NEB: variants seen among roughly 807,000 people sequenced by gnomAD.
NEB encodes the protein nebulin.
NEB carries 512 observed loss-of-function variants against 952.2 expected under a neutral mutation model. The ratio of observed to expected loss-of-function variants is 0.54; its 90% CI spans 0.50 to 0.58. NEB has a LOEUF of 0.58. NEB is among the 20% of genes least tolerant of loss of function. The pLI is 0.00. For missense variants in NEB, 8,428 were observed against 9,231.1 expected (o/e 0.91, Z 3.56); for synonymous variants, 2,900 against 3,149.8 (o/e 0.92, Z 2.66).
At chr2:151,499,156 C>T (rs889702425) in intron 169 of NEB, 142 bp downstream of exon 169, 4 of 495,146 alleles carry the variant, frequency 8.1e-6, no homozygotes, top group Non-Finnish European at 1.4e-5. Context: ...AAAACTGATT[C>T]ATAGGAAATG....
chr2:151,513,916 G>A (rs1411780275), intron 159 of NEB, among the ~76,000 whole-genome samples: 1 of 152,120 alleles, frequency 6.6e-6, no homozygotes, highest in Non-Finnish European at 1.5e-5. Flanking sequence ...GTCAACAGAG[G>A]TCTCCTTTTG....
chr2:151,509,184 A>T (rs2071883558), intron 161 of NEB, among the ~76,000 whole-genome samples: 1 of 152,212 alleles, frequency 6.6e-6, no homozygotes, highest in Non-Finnish European at 1.5e-5. Context: ...TCAGCCAATG[A>T]GAGATGTAGG....
chr2:151,530,914 G>T, intron 145 of NEB, 80 bp downstream of exon 145: 1 of 883,738 alleles, frequency 1.1e-6, no homozygotes, highest in Non-Finnish European at 1.8e-6. Context: ...CACAGGAATA[G>T]ATAACTGGAC....
intron 48 of NEB, among the ~76,000 whole-genome samples, chr2:151,656,817 C>T (rs541402862): frequency 6.7e-6 from 1 of 150,324 alleles, no homozygotes; most frequent in Admixed American, 6.6e-5. Flanking sequence ...GCTAAAGAGG[C>T]CTTTAGTAGG....
At chr2:151,658,590 T>C (rs1351088263) in intron 47 of NEB, among the ~76,000 whole-genome samples, 1 of 152,114 alleles carries the variant, frequency 6.6e-6, no homozygotes, top group Non-Finnish European at 1.5e-5. Flanking sequence ...ATGATTAGGA[T>C]GAAAAAGGAA....
Position 151,493,812 on chromosome 2 carries a change from A to G in NEB, c.24635T>C (p.Met8212Thr). 1.3e-6 allele frequency: 2 copies of G among 1,587,732 alleles called. No homozygotes were observed. Among genetic ancestry groups the G allele is most frequent in the East Asian group, 2.3e-5 (1 of 44,304 alleles). Residue 8212 changes from methionine (M) to threonine (T), a missense_variant, in exon 175 of 182, where the codon ATG (methionine) becomes ACG (threonine). This residue lies in a region of NEB where 3,374 missense variants were observed against 3,651.5 expected (regional missense o/e 0.92). Coordinates refer to ENST00000397345, the MANE Select transcript of NEB (RefSeq NM_001164508.2). Reference protein sequence around the residue: ...KATPTPFTPEMERVKRNQENF... With the variant: ...KATPTPFTPETERVKRNQENF... ...TTCTTGATTGCGTTTCACTCTTTCC[A>G]TCTCAGGAGTAAAGGGTGTGGGGGT...
intron 120 of NEB, 79 bp from the exon 121 acceptor site, chr2:151,562,293 G>T: frequency 1.6e-6 from 2 of 1,238,152 alleles, no homozygotes; most frequent in Non-Finnish European, 2.4e-6. Context: ...CCTATCAGCT[G>T]TTGGCTGTGC....
chr2:151,499,171 C>T (rs2062557322), intron 169 of NEB, 127 bp downstream of exon 169: 2 of 518,864 alleles, frequency 3.9e-6, no homozygotes, highest in East Asian at 6.6e-5. Flanking sequence ...GAAATGGCAG[C>T]ATTAAGTTGG....
At position 151,618,386 on chromosome 2, in the gene NEB, T is replaced by C; in HGVS notation, c.10965A>G (p.Glu3655=). 1.2e-6 allele frequency: 2 copies of C among 1,613,964 alleles called. No individual in the cohort carries two copies. Among genetic ancestry groups the C allele is most frequent in the Non-Finnish European group, 1.7e-6 (2 of 1,179,862 alleles). ...LEVVRAKRAG[E]LLSDTIYRQR... ...GACGGTAGATAGTATCACTAAGTAA[T>C]TCTCCAGCTCTCTTGGCCCTAACAA... Residue 3655 remains glutamate, a synonymous_variant, in exon 74 of 182, where the codon GAA becomes GAG. Coordinates refer to ENST00000397345, the MANE Select transcript of NEB (RefSeq NM_001164508.2).
chr2:151,662,406 G>A (rs2099158940), intron 45 of NEB, 65 bp from the exon 46 acceptor site: 1 of 1,331,920 alleles, frequency 7.5e-7, no homozygotes, highest in Non-Finnish European at 1.0e-6. Context: ...CTAAGTGTGT[G>A]TTTAACATTC....
intron 137 of NEB, 55 bp from the exon 138 acceptor site, chr2:151,540,503 A>G (rs2093897864): frequency 8.8e-6 from 12 of 1,356,672 alleles, no homozygotes; most frequent in East Asian, 2.5e-5. Flanking sequence ...CCAATTTCCA[A>G]CCAAGCCACC....
In NEB at chr2:151,533,468, G is replaced by A; in HGVS notation, c.21391C>T (p.Leu7131Phe). Residue 7131 changes from leucine to phenylalanine, a missense_variant, in exon 143 of 182, where the codon CTC becomes TTC. Coordinates refer to ENST00000397345, the MANE Select transcript of NEB (RefSeq NM_001164508.2). ...TGGCTCCACATATGCGAATTGTAGA[G>A]AGCAGTCAACATATCTGGACGCAGA... Reference protein sequence around the residue: ...EILRPDMLTALYNSHMWSQIK... With the variant: ...EILRPDMLTAFYNSHMWSQIK... 2 of 1,551,332 alleles carry A rather than the reference G, an allele frequency of 1.3e-6. No individual in the cohort carries two copies. Among genetic ancestry groups the A allele is most frequent in the Non-Finnish European group, 1.7e-6 (2 of 1,146,588 alleles).
At chr2:151,575,870 T>A in intron 106 of NEB, 71 bp from the exon 107 acceptor site, 2 of 1,106,412 alleles carry the variant, frequency 1.8e-6, no homozygotes, top group East Asian at 2.4e-5. Flanking sequence ...ATGCAACTTT[T>A]AAATTTTCTT....
intron 179 of NEB, chr2:151,491,343 TC>T (rs1298060631): frequency 9.4e-6 from 2 of 212,470 alleles, no homozygotes; most frequent in African/African-American, 4.6e-5. Context: ...CTCAGGAAGT[TC>T]CTACAGGTCA....
Position 151,547,414 on chromosome 2 carries a change from C to A in NEB, c.20367+15G>T. Reference sequence around the variant, plus strand: ...TGGTAAGACTACTCCAGAAAGACCCCTACGAGATGCTTACATCACTGGTGA... The same window carrying A: ...TGGTAAGACTACTCCAGAAAGACCCATACGAGATGCTTACATCACTGGTGA... On this transcript the variant is annotated intron_variant, in intron 133 of 181. Coordinates refer to ENST00000397345, the MANE Select transcript of NEB (RefSeq NM_001164508.2). The A allele has an allele frequency of 6.4e-7, 1 of 1,567,338 alleles. No homozygotes were observed. The highest frequency in any genetic ancestry group is 2.3e-5 in the East Asian group (1 of 43,376).
rs559268680 is a variant in NEB at position 151,579,352 on chromosome 2, C to T, written c.16690G>A (p.Asp5564Asn). Reference protein sequence around the residue: ...NDVIQARKAYDLQSDALYKAD... With the variant: ...NDVIQARKAYNLQSDALYKAD... ...GACACACTTACGTCGCTCTGTAGGTCGTAGGCTTTCCTGGCTTGGATCACA... is the reference window on the plus strand; with the variant it reads ...GACACACTTACGTCGCTCTGTAGGTTGTAGGCTTTCCTGGCTTGGATCACA... Residue 5564 changes from aspartate (D) to asparagine (N), a missense_variant, in exon 105 of 182, where the codon GAC becomes AAC. Physicochemically the swap from Asp to Asn is conservative, Grantham distance 23 (BLOSUM62 1). This residue lies in a region of NEB where 19 missense variants were observed against 49.3 expected (regional missense o/e 0.39). Transcript: ENST00000397345. 1.2e-5 allele frequency: 19 copies of T among 1,522,356 alleles called. No homozygotes were observed. In the South Asian group the frequency reaches 1.4e-4, roughly 12 times the overall value. The allele number at this position is 1,522,356 out of a possible 1,614,324, so 94.3% of individuals were successfully genotyped here.
chr2:151,575,730 T>A lies in NEB; in HGVS notation c.16978A>T (p.Asn5660Tyr). ...IHIMPDTPEI[N>Y]LARANALNVS... ...TTAAGAGCATTTGCTCTAGCGAGAT[T>A]AATTTCTGGAGTATCTGGCATTATG... Residue 5660 changes from asparagine (N) to tyrosine (Y), a missense_variant, in exon 107 of 182, where the codon AAT (asparagine) becomes TAT (tyrosine). This residue lies in a region of NEB where 3,374 missense variants were observed against 3,651.5 expected (regional missense o/e 0.92). Coordinates refer to ENST00000397345, the MANE Select transcript of NEB (RefSeq NM_001164508.2). 1 of 1,609,422 alleles carries A rather than the reference T, an allele frequency of 6.2e-7. No individual in the cohort carries two copies. The highest frequency in any genetic ancestry group is 8.5e-7 in the Non-Finnish European group (1 of 1,175,694).
chr2:151,563,878 T>A lies in NEB; in HGVS notation c.18524A>T (p.Asp6175Val). 1 of 1,612,878 alleles carries A rather than the reference T, an allele frequency of 6.2e-7. No homozygotes were observed. Among genetic ancestry groups the A allele is most frequent in the East Asian group, 2.2e-5 (1 of 44,762 alleles). Reference protein sequence around the residue: ...EGTKAYGYTLDERYIPIVGAK... With the variant: ...EGTKAYGYTLVERYIPIVGAK... The stretch of plus-strand genomic sequence containing the variant: ...TCCAACAATGGGAATGTAGCGCTCA[T>A]CCAGGGTGTAGCCATAGGCCTTGGT... The change falls in exon 118 of 182, where the codon GAT (aspartate) becomes GTT (valine). Residue 6175 changes from aspartate to valine, a missense_variant. Transcript: ENST00000397345.
chr2:151,568,669 A>G lies in NEB; in HGVS notation c.17583T>C (p.Asp5861=), dbSNP rs371253929. ...TCGCTGTCACATAATCAACTCTGTCATCCACAGGCGTAAAGTTGAGAGTTT... is the reference window on the plus strand; with the variant it reads ...TCGCTGTCACATAATCAACTCTGTCGTCCACAGGCGTAAAGTTGAGAGTTT... ...KIETLNFTPV[D]DRVDYVTAKQ... The change falls in exon 111 of 182, where the codon GAT becomes GAC. Residue 5861 remains aspartate, a synonymous_variant. Coordinates refer to ENST00000397345, the MANE Select transcript of NEB (RefSeq NM_001164508.2). The G allele has an allele frequency of 4.3e-6, 7 of 1,609,878 alleles. No homozygotes were observed. Among genetic ancestry groups the G allele is most frequent in the Non-Finnish European group, 5.9e-6 (7 of 1,177,944 alleles).
Sources: gnomAD v4.1 joint callset for allele counts (sites outside exome capture counted in the v4.1 genomes callset) on GRCh38, gnomAD v4.1.1 for gene constraint, gnomAD v4.1.1 regional missense constraint, MANE v1.5 for transcripts, NCBI Gene and HGNC (gene_info 2026-07-23, HGNC 2026-07-21) for gene names.